TLN2: variants seen among roughly 807,000 people sequenced by gnomAD.
TLN2 encodes talin 2, also known as talin-2.
A neutral mutation model predicts 294.7 loss-of-function variants in TLN2; 118 were observed. That is an observed-to-expected ratio of 0.40 (90% CI 0.34 to 0.47). The LOEUF (loss-of-function observed/expected upper bound fraction) is 0.47. Among genes scored for constraint, TLN2 ranks in the 20% least tolerant of loss-of-function variants. The pLI is 0.84. For synonymous variants in TLN2, 1,431 were observed against 1,304.5 expected (o/e 1.10, Z -2.09); for missense variants, 3,083 against 3,282.2 (o/e 0.94, Z 1.48).
At chr15:62,551,503 C>G (rs2042303502) in intron 1 of TLN2, among the ~76,000 whole-genome samples, 1 of 139,588 alleles carries the variant, frequency 7.2e-6, no homozygotes, top group Non-Finnish European at 1.5e-5. Flanking sequence ...AAGCCAATCT[C>G]TACTAAAAAT....
intron 11 of TLN2, among the ~76,000 whole-genome samples, chr15:62,685,097 A>G (rs998856994): frequency 3.9e-5 from 6 of 152,038 alleles, no homozygotes; most frequent in Admixed American, 3.3e-4. Flanking sequence ...AAGGAAAAGC[A>G]TGAAAAAATA....
chr15:62,782,516 G>T (rs1595975310), intron 44 of TLN2, among the ~76,000 whole-genome samples: 1 of 152,194 alleles, frequency 6.6e-6, no homozygotes, highest in East Asian at 1.9e-4. Flanking sequence ...TTGACCCTGG[G>T]TGTCCATGAG....
At chr15:62,574,816 T>G (rs2044248922) in intron 1 of TLN2, among the ~76,000 whole-genome samples, 1 of 151,966 alleles carries the variant, frequency 6.6e-6, no homozygotes. Flanking sequence ...AATTTGGCAT[T>G]TTAGTTGTAG....
At chr15:62,592,505 G>T (rs185033208) in intron 2 of TLN2, among the ~76,000 whole-genome samples, 1 of 152,152 alleles carries the variant, frequency 6.6e-6, no homozygotes, top group Non-Finnish European at 1.5e-5. Flanking sequence ...AGAAACATTT[G>T]TTTTAAATGT....
intron 11 of TLN2, among the ~76,000 whole-genome samples, chr15:62,677,618 CAAAT>C (rs1025199052): frequency 1.3e-5 from 2 of 151,738 alleles, no homozygotes; most frequent in African/African-American, 4.9e-5. Context: ...TTGATCAAAC[CAAAT>C]CTCCTTTTAC....
chr15:62,489,517 A>G (rs1462098592), intron 1 of TLN2, among the ~76,000 whole-genome samples: 1 of 151,868 alleles, frequency 6.6e-6, no homozygotes, highest in East Asian at 1.9e-4. Context: ...ATTTTTTAAC[A>G]CTCTCCTTCT....
At chr15:62,580,779 A>G (rs777340169) in intron 1 of TLN2, among the ~76,000 whole-genome samples, 3 of 151,372 alleles carry the variant, frequency 2.0e-5, no homozygotes, top group Non-Finnish European at 4.4e-5. Flanking sequence ...ATCCACCTTT[A>G]TAGTATCATG....
chr15:62,534,968 G>A (rs1229900100), intron 1 of TLN2, among the ~76,000 whole-genome samples: 1 of 152,244 alleles, frequency 6.6e-6, no homozygotes, highest in East Asian at 1.9e-4. Flanking sequence ...CGACTTCCGG[G>A]AAGTCCTGCA....
intron 1 of TLN2, among the ~76,000 whole-genome samples, chr15:62,578,759 G>A (rs932999095): frequency 9.9e-5 from 15 of 152,176 alleles, no homozygotes; most frequent in African/African-American, 1.9e-4. Flanking sequence ...TGTGTCCCTC[G>A]CATCAGCTCG....
rs2048495264 is a variant in TLN2, at chr15:62,618,490, T to C, written c.-37+15T>C. On this transcript the variant is annotated intron_variant, in intron 3 of 58. Coordinates refer to ENST00000636159, the MANE Select transcript of TLN2 (RefSeq NM_015059.3). The stretch of plus-strand genomic sequence containing the variant: ...ATGTTGTCATTGTGAGTTGTTTGTA[T>C]GTTAAAGGTCTTCTGCGTGTGTTTT... 1 of 152,194 alleles carries C rather than the reference T, an allele frequency of 6.6e-6. No individual in the cohort carries two copies. Among genetic ancestry groups the C allele is most frequent in the Non-Finnish European group, 1.5e-5 (1 of 68,066 alleles). 9.4% of individuals were successfully genotyped at this position (152,194 alleles called of 1,614,324 possible).
At chr15:62,783,218 G>T (rs1243047272) in intron 44 of TLN2, among the ~76,000 whole-genome samples, 3 of 152,208 alleles carry the variant, frequency 2.0e-5, no homozygotes, top group Admixed American at 6.5e-5. Context: ...CTAAAACACT[G>T]ACTTATCCAG....
At chr15:62,664,857 C>CAAAAAAAAAAAAAAAAAAAAAAAAAAAA (rs10634187) in intron 9 of TLN2, among the ~76,000 whole-genome samples, 1 of 29,212 alleles carries the variant, frequency 3.4e-5, no homozygotes, top group African/African-American at 1.3e-4. Flanking sequence ...GAAACTGTCT[C>CAAAAAAAAAAAAAAAAAAAAAAAAAAAA]AAAAAAAAAA....
At chr15:62,680,622 T>C (rs968728064) in intron 11 of TLN2, among the ~76,000 whole-genome samples, 28 of 152,092 alleles carry the variant, frequency 1.8e-4, no homozygotes, top group Non-Finnish European at 4.1e-4. Flanking sequence ...AAGCGTTTTT[T>C]TTGTTACATG....
At chr15:62,508,016 T>G (rs1165682681) in intron 1 of TLN2, among the ~76,000 whole-genome samples, 1 of 152,164 alleles carries the variant, frequency 6.6e-6, no homozygotes, top group East Asian at 1.9e-4. Context: ...GTTTTTGGGC[T>G]TTTCTGTATG....
chr15:62,441,043 T>C (rs1017684677), intron 1 of TLN2, among the ~76,000 whole-genome samples: 1 of 152,170 alleles, frequency 6.6e-6, no homozygotes, highest in African/African-American at 2.4e-5. Context: ...TTCACATTCA[T>C]GCTCTGGGAC....
intron 9 of TLN2, among the ~76,000 whole-genome samples, chr15:62,670,143 A>C (rs938579584): frequency 6.6e-6 from 1 of 152,158 alleles, no homozygotes; most frequent in African/African-American, 2.4e-5. Flanking sequence ...CATTGCTCTG[A>C]GAGGGCTTGA....
rs771378917 is a variant in TLN2, at chr15:62,708,918, C to T, written c.2467+122C>T. 89 of 1,170,268 alleles carry T rather than the reference C, an allele frequency of 7.6e-5. No individual in the cohort carries two copies. In the Middle Eastern group the frequency reaches 2.4e-3, roughly 31 times the overall value. 72.5% of individuals were successfully genotyped at this position (1,170,268 alleles called of 1,614,324 possible). Reference sequence around the variant, plus strand: ...GGCAAGGGCAAGTTCTCTTCAGTCTCAAAGACTTCCCCACTGAAGCTCAGA... The same window carrying T: ...GGCAAGGGCAAGTTCTCTTCAGTCTTAAAGACTTCCCCACTGAAGCTCAGA... On this transcript the variant is annotated intron_variant, in intron 21 of 58. Transcript: ENST00000636159.
intron 1 of TLN2, among the ~76,000 whole-genome samples, chr15:62,568,515 A>C (rs950431565): frequency 6.6e-6 from 1 of 152,228 alleles, no homozygotes; most frequent in African/African-American, 2.4e-5. Flanking sequence ...AGTCCTCTTC[A>C]GAATGTTGGA....
chr15:62,805,390 T>C (rs1283601449), intron 50 of TLN2, among the ~76,000 whole-genome samples: 1 of 152,186 alleles, frequency 6.6e-6, no homozygotes, highest in African/African-American at 2.4e-5. Flanking sequence ...TTCCCATGAA[T>C]GTTTAGTGTA....
Sources: allele counts gnomAD v4.1 joint callset (sites outside exome capture counted in the v4.1 genomes callset), GRCh38; gene constraint gnomAD v4.1.1; transcripts MANE v1.5; gene names NCBI Gene and HGNC (gene_info 2026-07-23, HGNC 2026-07-21).